The following SH3BP2 variants were observed in gnomAD, a reference collection of about 807,000 sequenced individuals.
SH3BP2 encodes SH3 domain binding protein 2, also known as SH3 domain-binding protein 2.
In SH3BP2, 38 loss-of-function variants were observed where a neutral mutation model predicts 56.2. The ratio of observed to expected loss-of-function variants is 0.68; its 90% CI spans 0.52 to 0.89. The LOEUF is 0.89. SH3BP2 is among the 40% of genes least tolerant of loss of function. The pLI, the probability that SH3BP2 is intolerant of heterozygous loss-of-function variation, is 0.00. For synonymous variants in SH3BP2, 346 were observed against 316.7 expected (o/e 1.09, Z -0.98); for missense variants, 748 against 762.6 (o/e 0.98, Z 0.23).
At chr4:2,799,096 G>A (rs756207988) in intron 1 of SH3BP2, 287 of 985,404 alleles carry the variant, frequency 2.9e-4, no homozygotes, top group Non-Finnish European at 3.4e-4. Flanking sequence ...GCCTCCACCC[G>A]CCACCCGTAC....
intron 5 of SH3BP2, 82 bp downstream of exon 5, chr4:2,825,278 C>T (rs1451787554): frequency 2.0e-5 from 23 of 1,167,938 alleles, no homozygotes; most frequent in South Asian, 1.4e-4. Flanking sequence ...CTCCCAGCCC[C>T]GGGCTTGGCA....
intron 1 of SH3BP2, among the ~76,000 whole-genome samples, chr4:2,796,836 C>A (rs1349732598): frequency 1.3e-5 from 2 of 152,206 alleles, no homozygotes; most frequent in African/African-American, 4.8e-5. Flanking sequence ...GTGTGCGTGC[C>A]ATGGCACACG....
At chr4:2,809,920 G>T in intron 1 of SH3BP2, 1 of 634,586 alleles carries the variant, frequency 1.6e-6, no homozygotes, top group African/African-American at 2.0e-5. Context: ...TGCAACTTGG[G>T]AAGGATGGAG....
chr4:2,834,353 G>A lies in SH3BP2; in HGVS notation c.*519G>A, dbSNP rs1365723049. 1.3e-5 allele frequency: 2 copies of A among 155,966 alleles called. No individual in the cohort carries two copies. Among genetic ancestry groups the A allele is most frequent in the African/African-American group, 4.8e-5 (2 of 41,530 alleles). 9.7% of individuals were successfully genotyped at this position (155,966 alleles called of 1,614,324 possible). A position where few individuals can be genotyped will look rare whatever the true frequency, so the allele number is the denominator to read the frequency against. ...CAGCTTACTGGGTGCCCATGCTGAT[G>A]TCTAAGTGGTGACCGCAGCAGTACC... On this transcript the variant is annotated 3_prime_UTR_variant, in exon 13 of 13. Transcript: ENST00000503393.
At chr4:2,823,303 C>A in intron 3 of SH3BP2, 1 of 556,208 alleles carries the variant, frequency 1.8e-6, no homozygotes, top group Non-Finnish European at 3.4e-6. Context: ...ACAGCCTGCT[C>A]TCCAGAGTCT....
At chr4:2,832,498 A>G in intron 11 of SH3BP2, 86 bp downstream of exon 11, 1 of 981,370 alleles carries the variant, frequency 1.0e-6, no homozygotes, top group South Asian at 1.3e-5. Context: ...CACAGTTCCT[A>G]AACCACTCCC....
intron 5 of SH3BP2, 109 bp from the exon 6 acceptor site, chr4:2,827,121 G>T: frequency 1.2e-6 from 1 of 819,324 alleles, no homozygotes. Flanking sequence ...GTGTGCATCT[G>T]TGTATCTGTC....
intron 1 of SH3BP2, among the ~76,000 whole-genome samples, 164 bp downstream of exon 1, chr4:2,793,302 G>A (rs1338253840): frequency 6.9e-6 from 1 of 145,598 alleles, no homozygotes; most frequent in Non-Finnish European, 1.5e-5. Context: ...CGGGTCTCGG[G>A]GGTCTCGGGG....
chr4:2,807,437 G>A (rs956119821), intron 1 of SH3BP2, among the ~76,000 whole-genome samples: 1 of 152,168 alleles, frequency 6.6e-6, no homozygotes, highest in Non-Finnish European at 1.5e-5. Flanking sequence ...TCTGGGCCTT[G>A]GAGATTCAGT....
Position 2,831,508 on chromosome 4 carries a change from A to C in SH3BP2, c.1242-63A>C. ...CAGAGGGTGGAGTGGGGAGGGGAGCAGAGGGTGGCCGCCCCGTGTCTGACA... is the reference window on the plus strand; with the variant it reads ...CAGAGGGTGGAGTGGGGAGGGGAGCCGAGGGTGGCCGCCCCGTGTCTGACA... On this transcript the variant is annotated intron_variant, in intron 8 of 12. Coordinates refer to ENST00000503393, the MANE Select transcript of SH3BP2 (RefSeq NM_001122681.2). This position sits in a 1 kb window ranked among gnomAD's most constrained non-coding sequence, Gnocchi z 4.1. The C allele has an allele frequency of 1.6e-6, 2 of 1,266,364 alleles. No homozygotes were observed. The highest frequency in any genetic ancestry group is 2.3e-6 in the Non-Finnish European group (2 of 887,094). 78.4% of individuals were successfully genotyped at this position (1,266,364 alleles called of 1,614,324 possible).
rs1373371086 is a variant in SH3BP2, at chr4:2,840,587, C to T, written c.*6753C>T. On this transcript the variant is annotated 3_prime_UTR_variant, in exon 13 of 13. Transcript: ENST00000503393. Reference sequence around the variant, plus strand: ...TCTTGTGCCAATATCAAGCTGTCTTCATTATTATCAATTATGTATTGAGAT... The same window carrying T: ...TCTTGTGCCAATATCAAGCTGTCTTTATTATTATCAATTATGTATTGAGAT... The T allele has an allele frequency of 2.6e-5, 4 of 152,324 alleles. No individual in the cohort carries two copies. In the South Asian group the frequency reaches 6.2e-4, roughly 24 times the overall value. The allele number at this position is 152,324 out of a possible 1,614,324, so 9.4% of individuals were successfully genotyped here. A position where few individuals can be genotyped will look rare whatever the true frequency, so the allele number is the denominator to read the frequency against.
At position 2,829,553 on chromosome 4, in the gene SH3BP2, C is replaced by A; in HGVS notation, c.647C>A (p.Ala216Asp). Residue 216 changes from alanine to aspartate, a missense_variant, in exon 8 of 13, where the codon GCC becomes GAC. Around this residue, in one of 3 missense-constraint regions of SH3BP2, gnomAD observed 635 missense variants for 615.0 expected, o/e 1.03. Transcript: ENST00000503393. The surrounding 1 kb of genome is among the most constrained non-coding windows in gnomAD (Gnocchi z 4.9). ...PPPVPTPRKPAFSDMPRAHSF... is the reference protein window; with the variant it reads ...PPPVPTPRKPDFSDMPRAHSF... Reference sequence around the variant, plus strand: ...CCAGTGCCCACGCCCAGGAAGCCAGCCTTCTCTGACATGCCCCGGGCCCAC... The same window carrying A: ...CCAGTGCCCACGCCCAGGAAGCCAGACTTCTCTGACATGCCCCGGGCCCAC... The A allele has an allele frequency of 1.9e-6, 3 of 1,613,540 alleles. No individual in the cohort carries two copies. Among genetic ancestry groups the A allele is most frequent in the South Asian group, 1.1e-5 (1 of 91,084 alleles).
At chr4:2,802,404 A>ATGCGTGTGTG (rs1723320924) in intron 1 of SH3BP2, among the ~76,000 whole-genome samples, 1 of 135,900 alleles carries the variant, frequency 7.4e-6, no homozygotes, top group South Asian at 2.4e-4. Flanking sequence ...AAAAAAATAT[A>ATGCGTGTGTG]TGTGTGTGTG....
Position 2,824,685 on chromosome 4 carries a change from G to A in SH3BP2, c.312G>A (p.Lys104=). Residue 104 remains lysine (K), a synonymous_variant, in exon 4 of 13, where the codon AAG becomes AAA. Coordinates refer to ENST00000503393, the MANE Select transcript of SH3BP2 (RefSeq NM_001122681.2). ...FPFKIIHISK[K]HRTWFFSASS... ...TCAAGATCATCCATATCAGCAAGAA[G>A]CACCGCACGTGGTTCTTCTCGGCCT... 6.2e-7 allele frequency: 1 copy of A among 1,614,006 alleles called. No individual in the cohort carries two copies. Among genetic ancestry groups the A allele is most frequent in the Non-Finnish European group, 8.5e-7 (1 of 1,179,956 alleles).
At chr4:2,827,009 G>T in intron 5 of SH3BP2, 1 of 680,276 alleles carries the variant, frequency 1.5e-6, no homozygotes, top group South Asian at 1.5e-5. Flanking sequence ...GTGTCTGTCA[G>T]CGTATCCATG....
In SH3BP2 at chr4:2,829,201, C is replaced by G. The variant is rs1396083732; in HGVS notation, c.587-292C>G. 6.6e-6 allele frequency among the ~76,000 whole-genome samples: 1 copy of G among 152,176 alleles called. No individual in the cohort carries two copies. Among genetic ancestry groups the G allele is most frequent in the Non-Finnish European group, 1.5e-5 (1 of 68,030 alleles). ...TCCTTCTTGACTTCTCTTCCTTTCTCTTCCTTCCACCTCTGGGAACCTGAT... is the reference window on the plus strand; with the variant it reads ...TCCTTCTTGACTTCTCTTCCTTTCTGTTCCTTCCACCTCTGGGAACCTGAT... On this transcript the variant is annotated intron_variant, in intron 7 of 12. Coordinates refer to ENST00000503393, the MANE Select transcript of SH3BP2 (RefSeq NM_001122681.2). This position sits in a 1 kb window ranked among gnomAD's most constrained non-coding sequence, Gnocchi z 4.9.
intron 5 of SH3BP2, 60 bp downstream of exon 5, chr4:2,825,256 C>A: frequency 7.3e-7 from 1 of 1,374,552 alleles, no homozygotes; most frequent in Non-Finnish European, 1.0e-6. Flanking sequence ...TGGGCCTGAC[C>A]CGGGTGTCCG....
intron 1 of SH3BP2, among the ~76,000 whole-genome samples, chr4:2,811,471 G>T (rs1723747244): frequency 6.6e-6 from 1 of 152,236 alleles, no homozygotes; most frequent in Non-Finnish European, 1.5e-5. Context: ...AGTTCTGGGA[G>T]GAGAGGGAGG....
In SH3BP2 at chr4:2,821,502, G is replaced by A. The variant is rs965451993; in HGVS notation, c.136+749G>A. ...GGTTTCAGTGTAACTTTCCACCTAG[G>A]GGTGGCCCCACACCAGTGGCTCTCA... On this transcript the variant is annotated intron_variant, in intron 2 of 12. Transcript: ENST00000503393. Among the ~76,000 whole-genome samples the A allele has an allele frequency of 2.6e-5, 4 of 152,210 alleles. No individual in the cohort carries two copies. In the East Asian group the frequency reaches 7.7e-4, roughly 29 times the overall value.
Sources: allele counts gnomAD v4.1 joint callset (sites outside exome capture counted in the v4.1 genomes callset), GRCh38; gene constraint gnomAD v4.1.1; regional missense constraint gnomAD v4.1.1; non-coding constraint Gnocchi (gnomAD v3.1); transcripts MANE v1.5; gene names NCBI Gene and HGNC (gene_info 2026-07-23, HGNC 2026-07-21).